Variants in ZNF624 observed in about 807,000 individuals in gnomAD.
ZNF624 encodes the protein zinc finger protein 624.
In ZNF624, 43 loss-of-function variants were observed where a neutral mutation model predicts 74.7. The observed-to-expected ratio is 0.58, with a 90% CI of 0.45 to 0.74. ZNF624 has a LOEUF of 0.74. Ranked by LOEUF, ZNF624 falls within the 30% of genes least tolerant of loss-of-function variation. ZNF624 has a pLI of 0.00. For synonymous variants in ZNF624, 331 were observed against 341.3 expected, an observed-to-expected ratio of 0.97 and a Z score of 0.33; for missense variants, 820 against 1,030.0, an observed-to-expected ratio of 0.80 and a Z score of 2.79.
In ZNF624 at chr17:16,623,844, T is replaced by C; in HGVS notation, c.1042A>G (p.Met348Val). ...TTAGTGTGAATTCTCTGATGTACCA[T>C]AAGTGATGAAGAAGCAATGAAGGCC... ...GKAFIASSSL[M>V]VHQRIHTKEK... Residue 348 changes from methionine (M) to valine (V), a missense_variant, in exon 6 of 6, where the codon ATG becomes GTG. Physicochemically the swap from Met to Val is conservative, Grantham distance 21 (BLOSUM62 1). Coordinates refer to ENST00000311331, the MANE Select transcript of ZNF624 (RefSeq NM_020787.4). The surrounding 1 kb of genome is among the most constrained non-coding windows in gnomAD (Gnocchi z 5.3). 1.2e-6 allele frequency: 2 copies of C among 1,613,942 alleles called. No homozygotes were observed. The highest frequency in any genetic ancestry group is 1.7e-4 in the Middle Eastern group (1 of 6,060).
chr17:16,616,466 CA>C (rs1246765620), downstream of ZNF624, among the ~76,000 whole-genome samples: 1 of 152,066 alleles, frequency 6.6e-6, no homozygotes, highest in Non-Finnish European at 1.5e-5. Flanking sequence ...CTTAAGCATT[CA>C]AAGCTCAAAA....
chr17:16,616,471 C>G (rs1188457993), downstream of ZNF624, among the ~76,000 whole-genome samples: 1 of 152,094 alleles, frequency 6.6e-6, no homozygotes, highest in Non-Finnish European at 1.5e-5. Flanking sequence ...GCATTCAAAG[C>G]TCAAAACAGT....
At chr17:16,614,270 A>T in the ZNF624 span, among the ~76,000 whole-genome samples, 102 of 152,104 alleles carry the variant, frequency 6.7e-4, 2 homozygotes, top group South Asian at 1.2e-3. Context: ...GTGGGTTTTT[A>T]AAAAAAATTA....
chr17:16,644,793 G>A (rs997496731), intron 3 of ZNF624, among the ~76,000 whole-genome samples: 1 of 152,178 alleles, frequency 6.6e-6, no homozygotes, highest in Non-Finnish European at 1.5e-5. Context: ...GCTGTAAAAT[G>A]TCATAATTAC....
intron 1 of ZNF624, among the ~76,000 whole-genome samples, chr17:16,650,601 T>C (rs1426115398): frequency 6.6e-6 from 1 of 152,132 alleles, no homozygotes; most frequent in Non-Finnish European, 1.5e-5. Flanking sequence ...GCTAATGATA[T>C]GTATGGCCTT....
At position 16,649,613 on chromosome 17, in the gene ZNF624, T is replaced by TC. The variant is rs759005692; in HGVS notation, c.87+44dup. The TC allele has an allele frequency of 3.2e-6, 5 of 1,566,918 alleles. No individual in the cohort carries two copies. The South Asian group carries it at 5.6e-5, about 17-fold the overall frequency. ...AAGCCTTCAGGCAAAGTAAACATGC[T>TC]CTCAAACCAAGATAGTAGGTCAAAA... On this transcript the variant is annotated intron_variant, in intron 2 of 5. Transcript: ENST00000311331.
downstream of ZNF624, chr17:16,617,575 C>T: frequency 6.4e-7 from 1 of 1,570,954 alleles, no homozygotes; most frequent in Non-Finnish European, 8.8e-7. Flanking sequence ...AACAGGTGGT[C>T]CGTATTTGTC....
chr17:16,633,937 C>T lies in ZNF624; in HGVS notation c.301G>A (p.Asp101Asn), dbSNP rs1569044272. 6.2e-7 allele frequency: 1 copy of T among 1,613,422 alleles called. No homozygotes were observed. The change falls in exon 5 of 6, where the codon GAC (aspartate) becomes AAC (asparagine). Residue 101 changes from aspartate (D) to asparagine (N), a missense_variant. Transcript: ENST00000311331. Reference sequence around the variant, plus strand: ...CCATTCTCCAAATGAGATATCATGTCTGGTTTGGAAACTGCAAGCCCTGTC... The same window carrying T: ...CCATTCTCCAAATGAGATATCATGTTTGGTTTGGAAACTGCAAGCCCTGTC... ...VSLGLAVSKPDMISHLENGKG... is the reference protein window; with the variant it reads ...VSLGLAVSKPNMISHLENGKG...
rs1439351306 is a variant in ZNF624, at chr17:16,622,164, T to C, written c.*124A>G. 2 of 640,442 alleles carry C rather than the reference T, an allele frequency of 3.1e-6. No homozygotes were observed. The highest frequency in any genetic ancestry group is 3.7e-5 in the African/African-American group (2 of 53,888). 39.7% of individuals were successfully genotyped at this position (640,442 alleles called of 1,614,324 possible). A position where few individuals can be genotyped will look rare whatever the true frequency, so the allele number is the denominator to read the frequency against. ...TATTATTAAATGATTTCCCACATAA[T>C]TGCTTATAGTTTCTCTGTATACTTT... On this transcript the variant is annotated 3_prime_UTR_variant, in exon 6 of 6. Transcript: ENST00000311331.
At chr17:16,632,994 T>C (rs1909241267) in intron 5 of ZNF624, among the ~76,000 whole-genome samples, 2 of 152,210 alleles carry the variant, frequency 1.3e-5, no homozygotes, top group Admixed American at 1.3e-4. Context: ...ACTTCTCTTT[T>C]CCTCTTCCCC....
chr17:16,647,617 C>A (rs1198911963), intron 2 of ZNF624, among the ~76,000 whole-genome samples: 1 of 152,168 alleles, frequency 6.6e-6, no homozygotes, highest in Non-Finnish European at 1.5e-5. Context: ...AAAGATATAA[C>A]TGCTTTTAAA....
At position 16,623,098 on chromosome 17, in the gene ZNF624, T is replaced by C; in HGVS notation, c.1788A>G (p.Lys596=). Residue 596 remains lysine, a synonymous_variant, in exon 6 of 6, where the codon AAA becomes AAG. Transcript: ENST00000311331. The surrounding 1 kb of genome is among the most constrained non-coding windows in gnomAD (Gnocchi z 5.3). ...CNECGESFRI[K]SHLTVHQRIH... is the part of the protein sequence containing the mutation. ...TTCTCTGATGTACAGTTAAGTGTGA[T>C]TTTATTCTGAAAGACTCCCCACATT... The C allele has an allele frequency of 6.2e-7, 1 of 1,614,010 alleles. No individual in the cohort carries two copies.
intron 5 of ZNF624, among the ~76,000 whole-genome samples, chr17:16,627,332 T>C (rs1909097459): frequency 6.6e-6 from 1 of 152,202 alleles, no homozygotes; most frequent in Admixed American, 6.5e-5. Flanking sequence ...AAGTAAAATG[T>C]TACTCCCAGA....
chr17:16,624,624 TTTC>T, intron 5 of ZNF624, 115 bp from the exon 6 acceptor site: 3 of 987,668 alleles, frequency 3.0e-6, no homozygotes, highest in Admixed American at 3.4e-5. Context: ...TTTTAATTGC[TTTC>T]ACACTGACTT....
chr17:16,646,180 A>C (rs1255887935), intron 3 of ZNF624, among the ~76,000 whole-genome samples: 1 of 152,162 alleles, frequency 6.6e-6, no homozygotes, highest in Non-Finnish European at 1.5e-5. Flanking sequence ...GTCAGAACAA[A>C]AATAAACCAT....
At chr17:16,631,800 C>G (rs1404252857) in intron 5 of ZNF624, 1 of 152,116 alleles carries the variant, frequency 6.6e-6, no homozygotes, top group African/African-American at 2.4e-5. Context: ...ACACAAAAAA[C>G]CAGTATCAGG....
In ZNF624 at chr17:16,622,924, G is replaced by A. The variant is rs1046452287; in HGVS notation, c.1962C>T (p.Tyr654=). The change falls in exon 6 of 6, where the codon TAC becomes TAT. Residue 654 remains tyrosine, a synonymous_variant. Coordinates refer to ENST00000311331, the MANE Select transcript of ZNF624 (RefSeq NM_020787.4). The part of the protein sequence containing the change: ...DCGKSFRTKS[Y]LIVHQRTHTG... ...TATGGGTCCTCTGATGTACAATAAGGTATGATTTAGTCCTAAAGGACTTTC... is the reference window on the plus strand; with the variant it reads ...TATGGGTCCTCTGATGTACAATAAGATATGATTTAGTCCTAAAGGACTTTC... 6.2e-7 allele frequency: 1 copy of A among 1,613,852 alleles called. No homozygotes were observed. The highest frequency in any genetic ancestry group is 8.5e-7 in the Non-Finnish European group (1 of 1,179,946).
intron 3 of ZNF624, among the ~76,000 whole-genome samples, chr17:16,641,607 A>G (rs1345462093): frequency 2.0e-5 from 3 of 152,198 alleles, no homozygotes; most frequent in African/African-American, 7.2e-5. Flanking sequence ...TCTATTCAAC[A>G]TTATATCGTA....
At chr17:16,629,821 C>T (rs902331926) in intron 5 of ZNF624, among the ~76,000 whole-genome samples, 2 of 152,166 alleles carry the variant, frequency 1.3e-5, no homozygotes, top group African/African-American at 2.4e-5. Flanking sequence ...CTTGGCCTAC[C>T]AAAGTGCTGG....
Sources: gnomAD v4.1 joint callset for allele counts (sites outside exome capture counted in the v4.1 genomes callset) on GRCh38, gnomAD v4.1.1 for gene constraint, Gnocchi (gnomAD v3.1) non-coding constraint, MANE v1.5 for transcripts, NCBI Gene and HGNC (gene_info 2026-07-23, HGNC 2026-07-21) for gene names.